The following KIAA1217 variants were observed in gnomAD, a reference collection of about 807,000 sequenced individuals.
KIAA1217 encodes the protein sickle tail protein homolog.
A neutral mutation model predicts 163.9 loss-of-function variants in KIAA1217; 88 were observed. The ratio of observed to expected loss-of-function variants is 0.54; its 90% CI spans 0.45 to 0.64. The LOEUF is 0.64. Among genes scored for constraint, KIAA1217 ranks in the 30% least tolerant of loss-of-function variants. KIAA1217 has a pLI of 0.00. For missense variants in KIAA1217, 2,372 were observed against 2,475.0 expected, an observed-to-expected ratio of 0.96 and a Z score of 0.88; for synonymous variants, 903 against 923.1, an observed-to-expected ratio of 0.98 and a Z score of 0.39.
chr10:24,419,352 A>G (rs2058547764), intron 3 of KIAA1217, among the ~76,000 whole-genome samples: 1 of 152,106 alleles, frequency 6.6e-6, no homozygotes, highest in Non-Finnish European at 1.5e-5. Context: ...CACTTTTAAA[A>G]TGATTTTTCT....
chr10:24,141,121 A>G (rs974123058), intron 2 of KIAA1217, among the ~76,000 whole-genome samples: 1 of 151,926 alleles, frequency 6.6e-6, no homozygotes, highest in Non-Finnish European at 1.5e-5. Context: ...TCCCAGACTC[A>G]GCTCAAAAGG....
chr10:24,112,541 T>A (rs181026126), intron 2 of KIAA1217, among the ~76,000 whole-genome samples: 1 of 152,276 alleles, frequency 6.6e-6, no homozygotes, highest in Non-Finnish European at 1.5e-5. Context: ...TCATACTAAA[T>A]TAGGGTTGGC....
intron 6 of KIAA1217, among the ~76,000 whole-genome samples, chr10:24,480,291 C>T (rs17515339): frequency 0.1 from 15,983 of 152,256 alleles, 1,066 homozygotes; most frequent in Non-Finnish European, 0.15. Flanking sequence ...TTGTGACATT[C>T]GTAAGGCAAG....
chr10:24,128,092 T>G (rs941281990), intron 2 of KIAA1217, among the ~76,000 whole-genome samples: 1 of 152,254 alleles, frequency 6.6e-6, no homozygotes, highest in Non-Finnish European at 1.5e-5. Context: ...CTGAATTTTA[T>G]TCTGTGTTTG....
chr10:24,141,225 A>AAC (rs796365302), intron 2 of KIAA1217, among the ~76,000 whole-genome samples: 22 of 76,250 alleles, frequency 2.9e-4, no homozygotes, highest in Non-Finnish European at 4.0e-4. Flanking sequence ...GAAAGAATAA[A>AAC]CCCCCCCCCC....
At chr10:24,044,482 G>C (rs1448783604) in intron 2 of KIAA1217, among the ~76,000 whole-genome samples, 1 of 152,062 alleles carries the variant, frequency 6.6e-6, no homozygotes, top group Admixed American at 6.6e-5. Flanking sequence ...TTTGTTAAAT[G>C]AGGGCACCCT....
chr10:24,223,620 G>C (rs1212959580), intron 2 of KIAA1217, among the ~76,000 whole-genome samples: 1 of 151,824 alleles, frequency 6.6e-6, no homozygotes, highest in Non-Finnish European at 1.5e-5. Context: ...AAGTATCCTT[G>C]ATAAGAAGAG....
intron 6 of KIAA1217, among the ~76,000 whole-genome samples, chr10:24,488,092 G>C (rs1480898004): frequency 6.6e-6 from 1 of 152,190 alleles, no homozygotes; most frequent in African/African-American, 2.4e-5. Flanking sequence ...ATGAATAAGA[G>C]AAATGAAGAC....
chr10:23,964,396 T>C (rs185164610), intron 1 of KIAA1217, among the ~76,000 whole-genome samples: 4 of 152,266 alleles, frequency 2.6e-5, no homozygotes, highest in African/African-American at 9.6e-5. Flanking sequence ...TTCTGTATGT[T>C]GCGTGTTCAC....
intron 1 of KIAA1217, among the ~76,000 whole-genome samples, chr10:23,833,163 T>G (rs1381142278): frequency 6.6e-6 from 1 of 152,160 alleles, no homozygotes; most frequent in Non-Finnish European, 1.5e-5. Flanking sequence ...ATAACACCTA[T>G]TTTATAAGGC....
chr10:24,522,600 T>G (rs1364368478), intron 12 of KIAA1217, among the ~76,000 whole-genome samples: 1 of 152,102 alleles, frequency 6.6e-6, no homozygotes, highest in Non-Finnish European at 1.5e-5. Flanking sequence ...GAGGTCACAG[T>G]GGAGTAAAGA....
At chr10:24,094,399 A>G (rs1260326350) in intron 2 of KIAA1217, among the ~76,000 whole-genome samples, 2 of 152,180 alleles carry the variant, frequency 1.3e-5, no homozygotes, top group Non-Finnish European at 2.9e-5. Context: ...TGATGTACAG[A>G]TGGGTTTTTG....
At chr10:24,536,692 C>T (rs992773760) in intron 16 of KIAA1217, 82 bp from the exon 17 acceptor site, 32 of 1,471,802 alleles carry the variant, frequency 2.2e-5, no homozygotes, top group Non-Finnish European at 3.0e-5. Context: ...GGTCCACAAG[C>T]GTCTGGTTGT....
chr10:24,067,793 A>T (rs568902157), intron 2 of KIAA1217, among the ~76,000 whole-genome samples: 97 of 152,362 alleles, frequency 6.4e-4, no homozygotes, highest in Non-Finnish European at 1.1e-3. Context: ...GGCTCCACCC[A>T]GTTCGAGCTT....
chr10:24,219,532 A>G, intron 1 of KIAA1217, 94 bp from the exon 2 acceptor site: 1 of 982,390 alleles, frequency 1.0e-6, no homozygotes, highest in Non-Finnish European at 1.4e-6. Flanking sequence ...TAACATTCAT[A>G]CATTAACAAC....
intron 3 of KIAA1217, among the ~76,000 whole-genome samples, chr10:24,390,500 G>GGCA (rs2054754205): frequency 7.1e-6 from 1 of 140,720 alleles, no homozygotes; most frequent in East Asian, 2.1e-4. Flanking sequence ...AAGGAAGGAA[G>GGCA]GAAGGAAGGA....
At chr10:23,716,910 A>G (rs2130750956) in intron 1 of KIAA1217, among the ~76,000 whole-genome samples, 1 of 151,732 alleles carries the variant, frequency 6.6e-6, no homozygotes, top group South Asian at 2.1e-4. Context: ...CTAATTATTC[A>G]TTTTTCTCAT....
intron 2 of KIAA1217, among the ~76,000 whole-genome samples, chr10:24,153,615 C>T (rs1286320809): frequency 2.6e-5 from 4 of 152,174 alleles, no homozygotes; most frequent in African/African-American, 4.8e-5. Flanking sequence ...GAATGAATTC[C>T]ACTGACCTGT....
chr10:24,476,323 G>A (rs2064036367), intron 6 of KIAA1217, among the ~76,000 whole-genome samples: 1 of 152,014 alleles, frequency 6.6e-6, no homozygotes, highest in South Asian at 2.1e-4. Flanking sequence ...GCTGACCTGT[G>A]GAGTCATCTC....
Sources: gnomAD v4.1 joint callset for allele counts (sites outside exome capture counted in the v4.1 genomes callset) on GRCh38, gnomAD v4.1.1 for gene constraint, MANE v1.5 for transcripts, NCBI Gene and HGNC (gene_info 2026-07-23, HGNC 2026-07-21) for gene names.